Variants in THSD7A observed in about 807,000 individuals in gnomAD.
The protein encoded by THSD7A is thrombospondin type-1 domain-containing protein 7A.
In THSD7A, 96 loss-of-function variants were observed where a neutral mutation model predicts 231.3. The observed-to-expected ratio is 0.41, with a 90% CI of 0.35 to 0.49. THSD7A has a LOEUF of 0.49. Ranked by LOEUF, THSD7A falls within the 20% of genes least tolerant of loss-of-function variation. The pLI, the probability that THSD7A is intolerant of heterozygous loss-of-function variation, is 0.05. For synonymous variants in THSD7A, 940 were observed against 743.3 expected (o/e 1.26, Z -4.30); for missense variants, 2,290 against 2,070.2 (o/e 1.11, Z -2.06).
chr7:11,461,589 T>A (rs926109053), intron 10 of THSD7A, among the ~76,000 whole-genome samples: 1 of 152,180 alleles, frequency 6.6e-6, no homozygotes, highest in African/African-American at 2.4e-5. Flanking sequence ...ACAGATGTCA[T>A]TTCCTGAGCC....
chr7:11,420,340 C>T (rs1784102110), intron 16 of THSD7A, among the ~76,000 whole-genome samples: 2 of 152,192 alleles, frequency 1.3e-5, no homozygotes, highest in Non-Finnish European at 2.9e-5. Flanking sequence ...GGACATGGCA[C>T]CTTGCAACCC....
intron 19 of THSD7A, among the ~76,000 whole-genome samples, chr7:11,409,094 ATGTG>A (rs1421798029): frequency 6.6e-6 from 1 of 152,164 alleles, no homozygotes; most frequent in Admixed American, 6.5e-5. Context: ...ATTTACCTAA[ATGTG>A]TGTGTAAATA....
At chr7:11,702,512 G>C (rs1006884121) in intron 1 of THSD7A, among the ~76,000 whole-genome samples, 1 of 151,198 alleles carries the variant, frequency 6.6e-6, no homozygotes, top group Non-Finnish European at 1.5e-5. Flanking sequence ...ACCAGCCTGA[G>C]AAAAGTTTCT....
At chr7:11,711,980 G>C (rs1780980423) in intron 1 of THSD7A, among the ~76,000 whole-genome samples, 1 of 150,892 alleles carries the variant, frequency 6.6e-6, no homozygotes, top group South Asian at 2.1e-4. Context: ...AGGTGGTACA[G>C]AACAAAAAGA....
chr7:11,568,826 C>A (rs1424884395), intron 4 of THSD7A, among the ~76,000 whole-genome samples: 1 of 151,412 alleles, frequency 6.6e-6, no homozygotes, highest in Non-Finnish European at 1.5e-5. Context: ...ATAGAAAAGC[C>A]TGAAGTTTCC....
At chr7:11,804,732 A>T in intron 1 of THSD7A, among the ~76,000 whole-genome samples, 1 of 152,174 alleles carries the variant, frequency 6.6e-6, no homozygotes, top group Non-Finnish European at 1.5e-5. Flanking sequence ...TGCCACCTTT[A>T]ATGCTTTAAA....
At chr7:11,780,976 C>A (rs183242603) in intron 1 of THSD7A, among the ~76,000 whole-genome samples, 2 of 98,234 alleles carry the variant, frequency 2.0e-5, no homozygotes, top group African/African-American at 7.5e-5. Context: ...CCGGCCTGGG[C>A]GACAGAGCGA....
At chr7:11,778,421 T>C (rs1431357376) in intron 1 of THSD7A, among the ~76,000 whole-genome samples, 2 of 152,112 alleles carry the variant, frequency 1.3e-5, no homozygotes, top group African/African-American at 4.8e-5. Context: ...GTTATCCATA[T>C]TTTCATATAT....
At position 11,406,932 on chromosome 7, in the gene THSD7A, T is replaced by G; in HGVS notation, c.4040A>C (p.Gln1347Pro). 1 of 1,613,880 alleles carries G rather than the reference T, an allele frequency of 6.2e-7. No homozygotes were observed. Among genetic ancestry groups the G allele is most frequent in the Non-Finnish European group, 8.5e-7 (1 of 1,179,828 alleles). Residue 1347 changes from glutamine to proline, a missense_variant, in exon 21 of 28, where the codon CAG (glutamine) becomes CCG (proline). Coordinates refer to ENST00000423059, the MANE Select transcript of THSD7A (RefSeq NM_015204.3). This position sits in a 1 kb window ranked among gnomAD's most constrained non-coding sequence, Gnocchi z 4.7. ...TACCTGCACTTGGCATGGAGACCAC[T>G]GGCCATATTGCCACCGATAACAAGG... is the stretch of plus-strand genomic sequence containing the variant. ...VKPCYRWQYG[Q>P]WSPCQVQEAQ... is the part of the protein sequence containing the mutation.
chr7:11,586,195 C>A (rs1296299995), intron 4 of THSD7A, among the ~76,000 whole-genome samples: 1 of 151,946 alleles, frequency 6.6e-6, no homozygotes, highest in African/African-American at 2.4e-5. Context: ...ACTTTATATG[C>A]CTGTTTGTAT....
chr7:11,644,048 T>A (rs1380280349), intron 1 of THSD7A, among the ~76,000 whole-genome samples: 15 of 145,628 alleles, frequency 1.0e-4, no homozygotes, highest in Non-Finnish European at 9.1e-5. Context: ...ATCCTTTGAC[T>A]AAAAAAAAAA....
intron 16 of THSD7A, among the ~76,000 whole-genome samples, chr7:11,419,518 A>G (rs1784073169): frequency 6.6e-6 from 1 of 152,024 alleles, no homozygotes; most frequent in Non-Finnish European, 1.5e-5. Context: ...AGCTGATTAA[A>G]CCTCTTTCTT....
intron 17 of THSD7A, among the ~76,000 whole-genome samples, chr7:11,413,603 A>ATTTAC (rs1275766596): frequency 6.6e-6 from 1 of 152,148 alleles, no homozygotes. Flanking sequence ...TTCAAGAAAC[A>ATTTAC]TTTACTTTAT....
chr7:11,459,982 C>T (rs1223405409), intron 11 of THSD7A, among the ~76,000 whole-genome samples: 1 of 152,000 alleles, frequency 6.6e-6, no homozygotes, highest in Non-Finnish European at 1.5e-5. Flanking sequence ...TCTTTAAAGA[C>T]TGAATTTGCT....
chr7:11,790,105 A>G (rs1156443548), intron 1 of THSD7A, among the ~76,000 whole-genome samples: 2 of 152,044 alleles, frequency 1.3e-5, no homozygotes, highest in Non-Finnish European at 2.9e-5. Flanking sequence ...GTTAAAAAAG[A>G]ACAAATTAAG....
intron 1 of THSD7A, among the ~76,000 whole-genome samples, chr7:11,802,111 T>G (rs1347008146): frequency 1.3e-5 from 2 of 152,166 alleles, no homozygotes; most frequent in Non-Finnish European, 2.9e-5. Flanking sequence ...ATTTCCTGGT[T>G]TTAGAGTATG....
Position 11,543,116 on chromosome 7 carries a change from G to T in THSD7A, c.1455C>A (p.Ala485=), listed in dbSNP as rs1446155495. The change falls in exon 5 of 28, where the codon GCC becomes GCA. Residue 485 remains alanine (A), a splice_region_variant and synonymous_variant. Transcript: ENST00000423059. ...SQLSTHKNKE[A]SKPMDLKLCT... is the part of the protein sequence containing the mutation. Reference sequence around the variant, plus strand: ...ATAATTTTAAGTCCATTGGCTTTGAGGCTAGAGAAAAATACAGACACATAT... The same window carrying T: ...ATAATTTTAAGTCCATTGGCTTTGATGCTAGAGAAAAATACAGACACATAT... 6.2e-7 allele frequency: 1 copy of T among 1,608,218 alleles called. No homozygotes were observed.
intron 6 of THSD7A, among the ~76,000 whole-genome samples, chr7:11,502,462 G>T (rs2128310747): frequency 6.6e-6 from 1 of 152,172 alleles, no homozygotes; most frequent in South Asian, 2.1e-4. Context: ...TCATCCCCAG[G>T]ATACAAGACT....
At chr7:11,820,178 G>A in intron 1 of THSD7A, 1 of 309,444 alleles carries the variant, frequency 3.2e-6, no homozygotes. Flanking sequence ...GCCTCCCGCG[G>A]TAGTACAATC....
Sources: allele counts gnomAD v4.1 joint callset (sites outside exome capture counted in the v4.1 genomes callset), GRCh38; gene constraint gnomAD v4.1.1; non-coding constraint Gnocchi (gnomAD v3.1); transcripts MANE v1.5; gene names NCBI Gene and HGNC (gene_info 2026-07-23, HGNC 2026-07-21).